Variants in PACS2 observed in about 807,000 individuals in gnomAD.
PACS2 encodes the protein phosphofurin acidic cluster sorting protein 2.
PACS2 carries 36 observed loss-of-function variants against 113.0 expected under a neutral mutation model. That is an observed-to-expected ratio of 0.32 (90% confidence interval 0.24 to 0.42). The LOEUF is 0.42. Ranked by LOEUF, PACS2 falls within the 10% of genes least tolerant of loss-of-function variation. The pLI is 1.00. For missense variants in PACS2, 1,015 were observed against 1,239.5 expected (o/e 0.82, Z 2.72); for synonymous variants, 589 against 536.1 (o/e 1.10, Z -1.36).
In PACS2 at chr14:105,380,944, C is replaced by T. The variant is rs373751436; in HGVS notation, c.1126-13C>T. 11 of 1,605,270 alleles carry T rather than the reference C, an allele frequency of 6.9e-6. No homozygotes were observed. Among genetic ancestry groups the T allele is most frequent in the Middle Eastern group, 3.3e-4 (2 of 6,038 alleles). ...TTTCCACGGGAGGCTCCAGGCCCGT[C>T]TCTGCTCAGCAGGGTGTGCCAGGCC... On this transcript the variant is annotated splice_polypyrimidine_tract_variant and intron_variant, in intron 11 of 24. Coordinates refer to ENST00000447393, the MANE Select transcript of PACS2 (RefSeq NM_001100913.3).
intron 12 of PACS2, 51 bp from the exon 13 acceptor site, chr14:105,381,862 CT>C (rs2081007208): frequency 2.0e-6 from 3 of 1,506,184 alleles, no homozygotes; most frequent in Non-Finnish European, 2.7e-6. Flanking sequence ...GCCTCTGCCC[CT>C]GTTCCTGTTC....
intron 21 of PACS2, 35 bp from the exon 22 acceptor site, chr14:105,391,596 G>C (rs2081358955): frequency 6.3e-7 from 1 of 1,580,406 alleles, no homozygotes; most frequent in Non-Finnish European, 8.6e-7. Flanking sequence ...AGAGCAGCAG[G>C]TGGGCTCAGC....
At chr14:105,308,739 C>G (rs368906221) in intron 1 of PACS2, among the ~76,000 whole-genome samples, 34 of 152,108 alleles carry the variant, frequency 2.2e-4, no homozygotes, top group African/African-American at 7.5e-4. Context: ...CCTCAGCCCC[C>G]CAAAGTGCTG....
chr14:105,347,915 C>G (rs1444834258), intron 1 of PACS2, among the ~76,000 whole-genome samples: 1 of 152,042 alleles, frequency 6.6e-6, no homozygotes, highest in Non-Finnish European at 1.5e-5. Context: ...TCCTCAGCAA[C>G]AGAGCCCTGG....
chr14:105,368,217 C>T (rs1463774274), intron 6 of PACS2, 70 bp downstream of exon 6: 13 of 1,094,162 alleles, frequency 1.2e-5, no homozygotes, highest in Non-Finnish European at 1.8e-5. Flanking sequence ...GTGGGGTCCT[C>T]ACCAGCTGTC....
intron 3 of PACS2, among the ~76,000 whole-genome samples, chr14:105,353,760 T>G (rs1252326761): frequency 4.0e-5 from 6 of 151,624 alleles, no homozygotes; most frequent in Non-Finnish European, 7.4e-5. Flanking sequence ...CGCCCGGCTA[T>G]TTTTCGTATC....
intron 2 of PACS2, among the ~76,000 whole-genome samples, chr14:105,351,338 C>G (rs781981272): frequency 6.6e-6 from 1 of 152,208 alleles, no homozygotes; most frequent in Non-Finnish European, 1.5e-5. Flanking sequence ...GACTCGTTAT[C>G]CATTTAGCAG....
rs1223347045 is a variant in PACS2 at position 105,396,030 on chromosome 14, G to A, written c.*1358G>A. The A allele has an allele frequency of 2.0e-5, 3 of 152,256 alleles. No homozygotes were observed. Among genetic ancestry groups the A allele is most frequent in the Admixed American group, 6.5e-5 (1 of 15,290 alleles). 9.4% of individuals were successfully genotyped at this position (152,256 alleles called of 1,614,324 possible). On this transcript the variant is annotated 3_prime_UTR_variant, in exon 25 of 25. Transcript: ENST00000447393. ...TGGGCCTCGAGCCGGGGCTGGAGGG[G>A]TCTCCACCCTTGCTGGCCTGAGAGA... is the stretch of plus-strand genomic sequence containing the variant.
intron 7 of PACS2, 103 bp downstream of exon 7, chr14:105,368,642 A>G (rs1160205730): frequency 1.2e-6 from 1 of 848,706 alleles, no homozygotes; most frequent in Non-Finnish European, 2.0e-6. Context: ...GTGAGATCTC[A>G]CCCCAGGTCA....
chr14:105,389,904 C>T (rs2081300332), intron 19 of PACS2, 57 bp from the exon 20 acceptor site: 1 of 1,498,718 alleles, frequency 6.7e-7, no homozygotes, highest in Non-Finnish European at 9.3e-7. Flanking sequence ...GGAGCTGTGC[C>T]CACCAGGCGG....
chr14:105,315,018 A>G lies in PACS2; in HGVS notation c.100A>G (p.Ser34Gly). 1 of 1,236,098 alleles carries G rather than the reference A, an allele frequency of 8.1e-7. No homozygotes were observed. The highest frequency in any genetic ancestry group is 1.7e-5 in the South Asian group (1 of 57,730). The allele number at this position is 1,236,098 out of a possible 1,614,324, so 76.6% of individuals were successfully genotyped here. A position where few individuals can be genotyped will look rare whatever the true frequency, so the allele number is the denominator to read the frequency against. ...LFATWEVDGS[S>G]PSCVPRLCSL... ...CGCCACCTGGGAGGTGGACGGCTCC[A>G]GCCCCAGCTGCGTGCCCAGGTACGC... Residue 34 changes from serine to glycine, a missense_variant, in exon 1 of 25, where the codon AGC becomes GGC. By Grantham distance (56) the Ser-to-Gly change is moderately conservative (BLOSUM62 0). Around this residue, in one of 3 missense-constraint regions of PACS2, gnomAD observed 140 missense variants for 135.1 expected, o/e 1.04. Transcript: ENST00000447393. This position sits in a 1 kb window ranked among gnomAD's most constrained non-coding sequence, Gnocchi z 4.4.
chr14:105,316,816 G>A (rs2140790463), intron 1 of PACS2, among the ~76,000 whole-genome samples: 1 of 152,308 alleles, frequency 6.6e-6, no homozygotes, highest in African/African-American at 2.4e-5. Context: ...GGCCTGGACA[G>A]GGTTGGGAGG....
At chr14:105,387,492 G>A (rs1211138779) in intron 19 of PACS2, among the ~76,000 whole-genome samples, 1 of 152,210 alleles carries the variant, frequency 6.6e-6, no homozygotes, top group Non-Finnish European at 1.5e-5. Context: ...GCCTCCCCAC[G>A]CCACGGTGGT....
chr14:105,391,533 G>A (rs2081356512), intron 21 of PACS2, 98 bp from the exon 22 acceptor site: 6 of 483,740 alleles, frequency 1.2e-5, no homozygotes, highest in Non-Finnish European at 2.1e-5. Context: ...CCACCCCCAG[G>A]AGCTGCCTGG....
chr14:105,352,004 C>G (rs2060198067), intron 2 of PACS2, among the ~76,000 whole-genome samples: 1 of 152,206 alleles, frequency 6.6e-6, no homozygotes, highest in Non-Finnish European at 1.5e-5. Flanking sequence ...AAACCAAAAC[C>G]AGAAGAGGCT....
chr14:105,301,442 A>C (rs1307785689), intron 1 of PACS2, among the ~76,000 whole-genome samples: 2 of 138,462 alleles, frequency 1.4e-5, no homozygotes, highest in African/African-American at 5.5e-5. Flanking sequence ...GAGGGGGCCG[A>C]GCGTGGTGGG....
chr14:105,391,812 C>T, intron 22 of PACS2, 46 bp downstream of exon 22: 2 of 1,534,314 alleles, frequency 1.3e-6, no homozygotes, highest in African/African-American at 1.4e-5. Context: ...CCCGCCCCAC[C>T]ACATGCTGCC....
At chr14:105,377,149 G>A (rs1314162558) in intron 9 of PACS2, among the ~76,000 whole-genome samples, 5 of 152,192 alleles carry the variant, frequency 3.3e-5, no homozygotes, top group Non-Finnish European at 5.9e-5. Flanking sequence ...TCATAGGCCA[G>A]GGGGTGCAAG....
intron 11 of PACS2, 84 bp from the exon 12 acceptor site, chr14:105,380,873 C>G: frequency 7.2e-7 from 1 of 1,381,608 alleles, no homozygotes. Context: ...AAACCCTCAC[C>G]CGAGCCAGAG....
Sources: gnomAD v4.1 joint callset for allele counts (sites outside exome capture counted in the v4.1 genomes callset) on GRCh38, gnomAD v4.1.1 for gene constraint, gnomAD v4.1.1 regional missense constraint, Gnocchi (gnomAD v3.1) non-coding constraint, MANE v1.5 for transcripts, NCBI Gene and HGNC (gene_info 2026-07-23, HGNC 2026-07-21) for gene names.